PTPRT: variants seen among roughly 807,000 people sequenced by gnomAD.
The protein encoded by PTPRT is receptor-type tyrosine-protein phosphatase T.
In PTPRT, 56 loss-of-function variants were observed where a neutral mutation model predicts 176.8. The ratio of observed to expected loss-of-function variants is 0.32; its 90% CI spans 0.26 to 0.40. PTPRT has a LOEUF of 0.40. PTPRT is among the 10% of genes least tolerant of loss of function. The probability of loss-of-function intolerance (pLI) is 1.00; values close to 1 mark genes in which losing one functional copy is unlikely to be tolerated. For synonymous variants in PTPRT, 783 were observed against 739.0 expected (o/e 1.06, Z -0.96); for missense variants, 1,540 against 1,908.2 (o/e 0.81, Z 3.60).
chr20:43,030,170 G>A (rs917140319), intron 1 of PTPRT, among the ~76,000 whole-genome samples: 10 of 152,158 alleles, frequency 6.6e-5, no homozygotes, highest in Admixed American at 3.3e-4. Flanking sequence ...CACCTACTAT[G>A]TGACAGGTAC....
At chr20:42,151,334 G>T (rs1200344908) in intron 17 of PTPRT, among the ~76,000 whole-genome samples, 1 of 151,842 alleles carries the variant, frequency 6.6e-6, no homozygotes, top group African/African-American at 2.4e-5. Flanking sequence ...CAGGCCCTGG[G>T]GTGTCATATT....
intron 1 of PTPRT, among the ~76,000 whole-genome samples, chr20:42,919,799 T>A (rs1979026099): frequency 6.6e-6 from 1 of 152,254 alleles, no homozygotes; most frequent in African/African-American, 2.4e-5. Flanking sequence ...GAATGTTCCT[T>A]TTGTTCATTC....
intron 1 of PTPRT, among the ~76,000 whole-genome samples, chr20:42,890,182 G>T (rs952118324): frequency 1.3e-5 from 2 of 152,140 alleles, no homozygotes; most frequent in East Asian, 3.9e-4. Context: ...TTCAGTAAAA[G>T]CTCATTGGGG....
In PTPRT at chr20:42,075,884, G is replaced by A. The variant is rs866110356; in HGVS notation, c.*4995C>T. 4 of 206,838 alleles carry A rather than the reference G, an allele frequency of 1.9e-5. No individual in the cohort carries two copies. Among genetic ancestry groups the A allele is most frequent in the Middle Eastern group, 1.6e-3 (1 of 640 alleles). The allele number at this position is 206,838 out of a possible 1,614,324, so 12.8% of individuals were successfully genotyped here. On this transcript the variant is annotated 3_prime_UTR_variant, in exon 31 of 31. Transcript: ENST00000373187. ...ACACTGAGATTTGCCCTTGTTCCAA[G>A]TGGCTCTGGCAAGCTGTTACCCATC...
At chr20:43,016,508 C>T (rs566472092) in intron 1 of PTPRT, among the ~76,000 whole-genome samples, 8 of 148,622 alleles carry the variant, frequency 5.4e-5, no homozygotes, top group African/African-American at 2.0e-4. Context: ...CGGTTGCTGT[C>T]TCTGACTCTC....
rs140775527 is a variant in PTPRT, at chr20:42,833,009, G to A, written c.215-41543C>T. Among the ~76,000 whole-genome samples, 155 of 152,068 alleles carry A rather than the reference G, an allele frequency of 1.0e-3. 2 individuals carry two copies. The highest frequency in any genetic ancestry group is 3.5e-3 in the African/African-American group (147 of 41,498). On this transcript the variant is annotated intron_variant, in intron 2 of 30. Coordinates refer to ENST00000373187, the MANE Select transcript of PTPRT (RefSeq NM_007050.6). Reference sequence around the variant, plus strand: ...GGAGGCTGAGGTGGGAGGATTGCTTGAACACAGGAGGCAGAGGTTGCAGTC... The same window carrying A: ...GGAGGCTGAGGTGGGAGGATTGCTTAAACACAGGAGGCAGAGGTTGCAGTC...
intron 7 of PTPRT, among the ~76,000 whole-genome samples, chr20:42,592,914 G>C (rs2073605591): frequency 6.6e-6 from 1 of 152,204 alleles, no homozygotes. Context: ...AAAGTCACAT[G>C]GGGGAATAAC....
chr20:42,257,534 T>A (rs1180919064), intron 13 of PTPRT, among the ~76,000 whole-genome samples: 2 of 151,730 alleles, frequency 1.3e-5, no homozygotes, highest in Admixed American at 6.6e-5. Context: ...TAGGAGGTGG[T>A]TGGATCCCTC....
chr20:42,889,035 G>A (rs879827085), intron 1 of PTPRT, among the ~76,000 whole-genome samples: 3 of 152,174 alleles, frequency 2.0e-5, no homozygotes, highest in Non-Finnish European at 2.9e-5. Context: ...TCCCAGGCAA[G>A]GTCACATTAA....
At chr20:42,523,271 C>A (rs537714681) in intron 7 of PTPRT, among the ~76,000 whole-genome samples, 1 of 152,326 alleles carries the variant, frequency 6.6e-6, no homozygotes, top group African/African-American at 2.4e-5. Context: ...GTAGTCCTGA[C>A]ACCATGCAGA....
chr20:43,137,988 A>G (rs1213123360), intron 1 of PTPRT, among the ~76,000 whole-genome samples: 2 of 152,072 alleles, frequency 1.3e-5, no homozygotes, highest in African/African-American at 2.4e-5. Context: ...TTTGTCTACC[A>G]CCCTCGCCAG....
chr20:42,176,519 A>T (rs1990298265), intron 16 of PTPRT, among the ~76,000 whole-genome samples: 1 of 152,128 alleles, frequency 6.6e-6, no homozygotes, highest in African/African-American at 2.4e-5. Flanking sequence ...GTGCACTGAA[A>T]ACAACTGGCC....
In PTPRT at chr20:43,152,093, C is replaced by T. The variant is rs549232532; in HGVS notation, c.88+37553G>A. On this transcript the variant is annotated intron_variant, in intron 1 of 30. Coordinates refer to ENST00000373187, the MANE Select transcript of PTPRT (RefSeq NM_007050.6). ...CGGGATTCATTCCTCGTCATGGAAA[C>T]AACTATTTCATCAAATACCAGAACT... 3.3e-5 allele frequency among the ~76,000 whole-genome samples: 5 copies of T among 152,160 alleles called. No individual in the cohort carries two copies. In the East Asian group the frequency reaches 7.7e-4, roughly 24 times the overall value.
chr20:42,567,502 A>G (rs1413827426), intron 7 of PTPRT, among the ~76,000 whole-genome samples: 1 of 152,120 alleles, frequency 6.6e-6, no homozygotes, highest in African/African-American at 2.4e-5. Flanking sequence ...GGTACTGTAC[A>G]CTTTCTTCCT....
intron 9 of PTPRT, among the ~76,000 whole-genome samples, chr20:42,404,015 A>G (rs933954660): frequency 1.3e-5 from 2 of 152,144 alleles, no homozygotes; most frequent in Non-Finnish European, 2.9e-5. Flanking sequence ...TGATCTCCAG[A>G]TCAACAGAAG....
In PTPRT at chr20:42,558,068, C is replaced by G. The variant is rs180708913; in HGVS notation, c.1154-85506G>C. Among the ~76,000 whole-genome samples the G allele has an allele frequency of 4.0e-4, 61 of 152,182 alleles. 1 individual carries two copies. Among genetic ancestry groups the G allele is most frequent in the Admixed American group, 9.2e-4 (14 of 15,282 alleles). On this transcript the variant is annotated intron_variant, in intron 7 of 30. Coordinates refer to ENST00000373187, the MANE Select transcript of PTPRT (RefSeq NM_007050.6). ...GTGTCATGGGGGTTTGTTGTAGAGA[C>G]CCCTGGTGTTCATCACTCAGGTATT... is the stretch of plus-strand genomic sequence containing the variant.
intron 1 of PTPRT, among the ~76,000 whole-genome samples, chr20:42,960,416 G>T (rs1981921444): frequency 1.3e-5 from 2 of 152,034 alleles, no homozygotes; most frequent in South Asian, 4.2e-4. Flanking sequence ...TTTTATAAAA[G>T]CATTAATCCC....
intron 1 of PTPRT, among the ~76,000 whole-genome samples, chr20:42,972,702 A>AAAAAAAAAG (rs1982725750): frequency 1.3e-5 from 2 of 148,328 alleles, no homozygotes; most frequent in African/African-American, 5.0e-5. Context: ...AAAAAAAGGA[A>AAAAAAAAAG]GAAGAAGAAT....
intron 1 of PTPRT, among the ~76,000 whole-genome samples, chr20:43,152,423 C>T (rs895626175): frequency 6.6e-6 from 1 of 152,120 alleles, no homozygotes; most frequent in African/African-American, 2.4e-5. Flanking sequence ...CTGAGTCAGG[C>T]GTCTTGTCCT....
Sources: gnomAD v4.1 joint callset for allele counts (sites outside exome capture counted in the v4.1 genomes callset) on GRCh38, gnomAD v4.1.1 for gene constraint, MANE v1.5 for transcripts, NCBI Gene and HGNC (gene_info 2026-07-23, HGNC 2026-07-21) for gene names.